CGAS: variants seen among roughly 807,000 people sequenced by gnomAD.
CGAS encodes the protein cyclic GMP-AMP synthase.
In CGAS, 31 loss-of-function variants were observed where a neutral mutation model predicts 34.0. The observed-to-expected ratio is 0.91, with a 90% CI of 0.69 to 1.23. The LOEUF (loss-of-function observed/expected upper bound fraction) is 1.23, where lower values mean the gene tolerates loss of function less well. Ranked by LOEUF, CGAS falls within the 50% of genes most tolerant of loss-of-function variation. The probability of loss-of-function intolerance (pLI) is 0.00; values close to 1 mark genes in which losing one functional copy is unlikely to be tolerated. For synonymous variants in CGAS, 266 were observed against 260.0 expected, an observed-to-expected ratio of 1.02 and a Z score of -0.22; for missense variants, 597 against 657.6, an observed-to-expected ratio of 0.91 and a Z score of 1.01.
intron 1 of CGAS, 36 bp downstream of exon 1, chr6:73,451,489 C>T: frequency 6.6e-7 from 1 of 1,516,110 alleles, no homozygotes; most frequent in Non-Finnish European, 8.9e-7. Context: ...GAAGGCCGAG[C>T]AGCGGGGCTC....
rs532161111 is a variant in CGAS at position 73,451,494 on chromosome 6, G to A, written c.657+31C>T. The A allele has an allele frequency of 8.6e-5, 130 of 1,516,722 alleles. No homozygotes were observed. In the African/African-American group the frequency reaches 1.5e-3, roughly 18 times the overall value. The allele number at this position is 1,516,722 out of a possible 1,614,324, so 94.0% of individuals were successfully genotyped here. ...GCGGATTGCGGAAGGCCGAGCAGCG[G>A]GGCTCGGCGGGAGGGCGCCAAGCAG... is the stretch of plus-strand genomic sequence containing the variant. On this transcript the variant is annotated intron_variant, in intron 1 of 4. Transcript: ENST00000370315.
chr6:73,440,793 T>G (rs1165653492), intron 2 of CGAS, among the ~76,000 whole-genome samples: 2 of 151,782 alleles, frequency 1.3e-5, no homozygotes, highest in Non-Finnish European at 2.9e-5. Context: ...TCCCAGCTAC[T>G]CGGGAGGCTG....
rs531477566 is a variant in CGAS at position 73,426,929 on chromosome 6, C to A, written c.1218-1351G>T. 1.4e-3 allele frequency among the ~76,000 whole-genome samples: 216 copies of A among 151,660 alleles called. 1 individual carries two copies. Among genetic ancestry groups the A allele is most frequent in the African/African-American group, 5.1e-3 (209 of 41,338 alleles). On this transcript the variant is annotated intron_variant, in intron 4 of 4. Coordinates refer to ENST00000370315, the MANE Select transcript of CGAS (RefSeq NM_138441.3). ...GCAGTGGTGTGATCTCAGCTCACCG[C>A]AACCTCTGCCTACTGGGTTCAAGCG...
At position 73,451,525 on chromosome 6, in the gene CGAS, C is replaced by G; in HGVS notation, c.657G>C (p.Lys219Asn). The G allele has an allele frequency of 1.3e-6, 2 of 1,551,850 alleles. No homozygotes were observed. Among genetic ancestry groups the G allele is most frequent in the Non-Finnish European group, 8.7e-7 (1 of 1,146,242 alleles). ...GGCGGGAGGGCGCCAAGCAGCTCAC[C>G]TTCACGTGCTCATAGTAGCTCCCGG... is the stretch of plus-strand genomic sequence containing the variant. ...LNTGSYYEHV[K>N]ISAPNEFDVM... The change falls in exon 1 of 5, where the codon AAG (lysine) becomes AAC (asparagine). Residue 219 changes from lysine (K) to asparagine (N), a missense_variant and splice_region_variant. Lys to Asn is a moderately conservative substitution (Grantham distance 94). Transcript: ENST00000370315.
chr6:73,449,663 C>A (rs1157966272), intron 1 of CGAS, among the ~76,000 whole-genome samples: 2 of 152,030 alleles, frequency 1.3e-5, no homozygotes, highest in Admixed American at 1.3e-4. Flanking sequence ...ATATCTGATG[C>A]TGAAAAGTAA....
intron 1 of CGAS, among the ~76,000 whole-genome samples, chr6:73,448,664 T>C (rs1057273691): frequency 3.3e-5 from 5 of 152,198 alleles, no homozygotes; most frequent in African/African-American, 9.7e-5. Context: ...TTTTAACTTA[T>C]TTTTGGTAGA....
rs372631572 is a variant in CGAS at position 73,425,471 on chromosome 6, A to C, written c.1325T>G (p.Phe442Cys). The C allele has an allele frequency of 3.1e-5, 50 of 1,614,052 alleles. No individual in the cohort carries two copies. The African/African-American group carries it at 5.5e-4, about 18-fold the overall frequency. Residue 442 changes from phenylalanine to cysteine, a missense_variant, in exon 5 of 5, where the codon TTC (phenylalanine) becomes TGC (cysteine). Physicochemically the swap from Phe to Cys is radical, Grantham distance 205. Transcript: ENST00000370315. ...AGGGTTCTGGGTACATACGTGAAAGAAGGCAGTTTTCACATGATAAGAAGA... is the reference window on the plus strand; with the variant it reads ...AGGGTTCTGGGTACATACGTGAAAGCAGGCAGTTTTCACATGATAAGAAGA... ...KFSSYHVKTA[F>C]FHVCTQNPQD...
At chr6:73,429,063 G>A (rs1356791247) in intron 3 of CGAS, among the ~76,000 whole-genome samples, 1 of 152,004 alleles carries the variant, frequency 6.6e-6, no homozygotes, top group Non-Finnish European at 1.5e-5. Context: ...GGTGGCACAT[G>A]CCTGTAATCC....
chr6:73,425,338 A>G lies in CGAS; in HGVS notation c.1458T>C (p.Pro486=), dbSNP rs759742582. The G allele has an allele frequency of 1.2e-6, 2 of 1,611,122 alleles. No homozygotes were observed. Among genetic ancestry groups the G allele is most frequent in the Non-Finnish European group, 1.7e-6 (2 of 1,179,348 alleles). ...RTEKLENYFI[P]EFNLFSSNLI... is the part of the protein sequence containing the mutation. Reference sequence around the variant, plus strand: ...AGTTGCTAGAGAATAGATTGAATTCAGGAATAAAATAATTCTCAAGTTTTT... The same window carrying G: ...AGTTGCTAGAGAATAGATTGAATTCGGGAATAAAATAATTCTCAAGTTTTT... Residue 486 remains proline (P), a synonymous_variant, in exon 5 of 5, where the codon CCT becomes CCC. Coordinates refer to ENST00000370315, the MANE Select transcript of CGAS (RefSeq NM_138441.3).
At chr6:73,448,887 C>G (rs964201159) in intron 1 of CGAS, among the ~76,000 whole-genome samples, 1 of 151,486 alleles carries the variant, frequency 6.6e-6, no homozygotes, top group Non-Finnish European at 1.5e-5. Flanking sequence ...GTCAGGAGTT[C>G]GAGACCAGCC....
At chr6:73,429,141 G>C (rs1438292221) in intron 3 of CGAS, among the ~76,000 whole-genome samples, 2 of 149,808 alleles carry the variant, frequency 1.3e-5, no homozygotes, top group African/African-American at 4.9e-5. Context: ...AGTGAGCCGA[G>C]ATTGCACCAT....
At chr6:73,442,098 C>T (rs1439352247) in intron 2 of CGAS, among the ~76,000 whole-genome samples, 1 of 152,126 alleles carries the variant, frequency 6.6e-6, no homozygotes, top group East Asian at 1.9e-4. Flanking sequence ...GTCTTGAACT[C>T]TTGAGCTCAA....
At chr6:73,433,065 CAG>C in intron 3 of CGAS, among the ~76,000 whole-genome samples, 1 of 152,178 alleles carries the variant, frequency 6.6e-6, no homozygotes, top group East Asian at 1.9e-4. Flanking sequence ...GCCTGGGTGA[CAG>C]AGCGAGACTC....
At chr6:73,446,237 G>A (rs1214024599) in intron 1 of CGAS, among the ~76,000 whole-genome samples, 1 of 151,564 alleles carries the variant, frequency 6.6e-6, no homozygotes, top group Non-Finnish European at 1.5e-5. Context: ...GGCTGAAGCA[G>A]GAGAATTGCT....
At chr6:73,433,264 T>G (rs1319215662) in intron 3 of CGAS, among the ~76,000 whole-genome samples, 2 of 143,724 alleles carry the variant, frequency 1.4e-5, no homozygotes, top group Non-Finnish European at 3.1e-5. Flanking sequence ...CTCTCCCATG[T>G]TTTTTTTTTT....
chr6:73,452,148 C>A lies in CGAS; in HGVS notation c.34G>T (p.Ala12Ser), dbSNP rs777423092. Reference protein sequence around the residue: ...QPWHGKAMQRASEAGATAPKA... With the variant: ...QPWHGKAMQRSSEAGATAPKA... Reference sequence around the variant, plus strand: ...GGGGCAGTGGCTCCGGCCTCGGAAGCTCTCTGCATGGCCTTTCCGTGCCAA... The same window carrying A: ...GGGGCAGTGGCTCCGGCCTCGGAAGATCTCTGCATGGCCTTTCCGTGCCAA... The change falls in exon 1 of 5, where the codon GCT becomes TCT. Residue 12 changes from alanine (A) to serine (S), a missense_variant. Physicochemically the swap from Ala to Ser is moderately conservative, Grantham distance 99. Around this residue, in one of 3 missense-constraint regions of CGAS, gnomAD observed 321 missense variants for 314.3 expected, o/e 1.02. Coordinates refer to ENST00000370315, the MANE Select transcript of CGAS (RefSeq NM_138441.3). 5.0e-6 allele frequency: 8 copies of A among 1,608,818 alleles called. No individual in the cohort carries two copies. The highest frequency in any genetic ancestry group is 3.3e-5 in the South Asian group (3 of 90,422).
chr6:73,445,979 T>C (rs1247340802), intron 1 of CGAS, among the ~76,000 whole-genome samples: 2 of 152,188 alleles, frequency 1.3e-5, no homozygotes, highest in Admixed American at 1.3e-4. Flanking sequence ...TGACCTAGTA[T>C]TATTTTTATA....
chr6:73,445,866 T>A, intron 1 of CGAS, 119 bp from the exon 2 acceptor site: 1 of 698,496 alleles, frequency 1.4e-6, no homozygotes, highest in Non-Finnish European at 2.3e-6. Context: ...TCATAATGTC[T>A]ATATATACCC....
Position 73,425,497 on chromosome 6 carries a change from G to A in CGAS, c.1299C>T (p.Phe433=). ...RFKDKKHLDK[F]SSYHVKTAFF... ...AGGCAGTTTTCACATGATAAGAAGA[G>A]AATTTATCCAGATGTTTTTTGTCTT... The change falls in exon 5 of 5, where the codon TTC becomes TTT. Residue 433 remains phenylalanine, a synonymous_variant. Transcript: ENST00000370315. 1 of 1,613,342 alleles carries A rather than the reference G, an allele frequency of 6.2e-7. No individual in the cohort carries two copies. Among genetic ancestry groups the A allele is most frequent in the Non-Finnish European group, 8.5e-7 (1 of 1,179,806 alleles).
Sources: gnomAD v4.1 joint callset for allele counts (sites outside exome capture counted in the v4.1 genomes callset) on GRCh38, gnomAD v4.1.1 for gene constraint, gnomAD v4.1.1 regional missense constraint, MANE v1.5 for transcripts, NCBI Gene and HGNC (gene_info 2026-07-23, HGNC 2026-07-21) for gene names.